Variants in SV2C observed in about 807,000 individuals in gnomAD.
SV2C encodes the protein solute carrier family 22 member B3.
SV2C carries 49 observed loss-of-function variants against 79.7 expected under a neutral mutation model. The ratio of observed to expected loss-of-function variants is 0.61; its 90% confidence interval spans 0.49 to 0.78. The LOEUF (loss-of-function observed/expected upper bound fraction) is 0.78, where lower values mean the gene tolerates loss of function less well. SV2C is among the 30% of genes least tolerant of loss of function. The pLI, the probability that SV2C is intolerant of heterozygous loss-of-function variation, is 0.00. For synonymous variants in SV2C, 334 were observed against 333.2 expected, an observed-to-expected ratio of 1.00 and a Z score of -0.03; for missense variants, 833 against 912.9, an observed-to-expected ratio of 0.91 and a Z score of 1.13.
intron 4 of SV2C, among the ~76,000 whole-genome samples, chr5:76,278,434 G>A (rs1747087372): frequency 2.6e-5 from 4 of 152,198 alleles, no homozygotes; most frequent in Admixed American, 2.0e-4. Flanking sequence ...TGGAAGGTAC[G>A]AAGCCTGCAG....
intron 1 of SV2C, among the ~76,000 whole-genome samples, chr5:76,092,311 A>G (rs993273873): frequency 1.3e-5 from 2 of 152,222 alleles, no homozygotes; most frequent in African/African-American, 4.8e-5. Context: ...TACACCTGCA[A>G]TGCTGTTTTT....
intron 1 of SV2C, among the ~76,000 whole-genome samples, chr5:76,116,857 G>A (rs1328859969): frequency 1.3e-5 from 2 of 152,142 alleles, no homozygotes; most frequent in Non-Finnish European, 2.9e-5. Context: ...ACTACTTAGG[G>A]ACAGGAATCC....
At chr5:76,073,458 CATCA>C in the SV2C span, among the ~76,000 whole-genome samples, 1 of 143,750 alleles carries the variant, frequency 7.0e-6, no homozygotes, top group Non-Finnish European at 1.5e-5. Context: ...CCCAAATGCC[CATCA>C]ATCAATGAGT....
intron 2 of SV2C, among the ~76,000 whole-genome samples, chr5:76,134,157 A>G (rs7706479): frequency 0.22 from 34,168 of 151,972 alleles, 6,349 homozygotes; most frequent in African/African-American, 0.51. Flanking sequence ...AGTGTAGATA[A>G]TGCTGCAGAA....
chr5:76,075,378 GA>G, the SV2C span, among the ~76,000 whole-genome samples: 2 of 152,178 alleles, frequency 1.3e-5, no homozygotes, highest in Non-Finnish European at 2.9e-5. Flanking sequence ...GAAAGGGAGA[GA>G]GGAATTATCA....
At chr5:76,165,379 T>C (rs942946401) in intron 2 of SV2C, among the ~76,000 whole-genome samples, 6 of 152,202 alleles carry the variant, frequency 3.9e-5, no homozygotes, top group African/African-American at 2.4e-5. Flanking sequence ...TGTGGAGGAA[T>C]GGTATAGTTC....
chr5:76,022,661 C>T, the SV2C span, among the ~76,000 whole-genome samples: 67 of 152,216 alleles, frequency 4.4e-4, no homozygotes, highest in South Asian at 4.2e-4. Context: ...TGTCTGCACC[C>T]GAAAATTCCC....
chr5:76,174,326 G>T (rs1743454766), intron 2 of SV2C: 3 of 745,558 alleles, frequency 4.0e-6, no homozygotes, highest in South Asian at 3.4e-5. Flanking sequence ...GCTCCGGCTG[G>T]TTTACACGCC....
chr5:76,298,814 A>C lies in SV2C; in HGVS notation c.1523A>C (p.Lys508Thr). The C allele has an allele frequency of 6.2e-7, 1 of 1,613,924 alleles. No individual in the cohort carries two copies. Among genetic ancestry groups the C allele is most frequent in the Non-Finnish European group, 8.5e-7 (1 of 1,179,830 alleles). Residue 508 changes from lysine (K) to threonine (T), a missense_variant, in exon 10 of 13, where the codon AAA becomes ACA. Transcript: ENST00000502798. ...GGCAGATTCATAGGGGTCAAGTTCA[A>C]ATCTGTAACTTTCAAAGACTCTGTT... ...DNGRFIGVKF[K>T]SVTFKDSVFK...
At chr5:76,319,625 T>TTTGA (rs1416220802) in intron 12 of SV2C, among the ~76,000 whole-genome samples, 2 of 152,090 alleles carry the variant, frequency 1.3e-5, no homozygotes, top group African/African-American at 4.8e-5. Flanking sequence ...TTAAGAAGGA[T>TTTGA]TTGATCGTCT....
the SV2C span, among the ~76,000 whole-genome samples, chr5:75,933,976 A>C: frequency 2.0e-5 from 3 of 152,224 alleles, no homozygotes; most frequent in Non-Finnish European, 4.4e-5. Context: ...AAATTTAGAC[A>C]CTATTACTTA....
At chr5:76,274,574 A>G (rs898245942) in intron 4 of SV2C, among the ~76,000 whole-genome samples, 5 of 152,088 alleles carry the variant, frequency 3.3e-5, no homozygotes, top group Admixed American at 1.3e-4. Flanking sequence ...TTCTTTCCCA[A>G]TAGTTATATG....
chr5:75,899,821 T>C, the SV2C span, among the ~76,000 whole-genome samples: 1 of 152,136 alleles, frequency 6.6e-6, no homozygotes, highest in African/African-American at 2.4e-5. Context: ...CAGTATGTAA[T>C]GGCCTTCTTT....
rs918271615 is a variant in SV2C at position 76,327,305 on chromosome 5, CTGTGATCAGGGCTAGAACATCA to C, written c.*1759_*1780del. 1.6e-4 allele frequency: 24 copies of C among 152,174 alleles called. No homozygotes were observed. Among genetic ancestry groups the C allele is most frequent in the African/African-American group, 5.1e-4 (21 of 41,424 alleles). 9.4% of individuals were successfully genotyped at this position (152,174 alleles called of 1,614,324 possible). A position where few individuals can be genotyped will look rare whatever the true frequency, so the allele number is the denominator to read the frequency against. On this transcript the variant is annotated 3_prime_UTR_variant, in exon 13 of 13. Coordinates refer to ENST00000502798, the MANE Select transcript of SV2C (RefSeq NM_014979.4). The stretch of plus-strand genomic sequence containing the variant: ...GGGAAGAGGGTGGTTCCCTGGGGGT[CTGTGATCAGGGCTAGAACATCA>C]GGAAAACCCGAACCAAAAACTGCAA...
intron 8 of SV2C, among the ~76,000 whole-genome samples, chr5:76,295,503 C>T (rs889969325): frequency 2.0e-5 from 3 of 152,174 alleles, no homozygotes; most frequent in East Asian, 3.8e-4. Flanking sequence ...GGCATAGGAT[C>T]GGATGCTTTC....
At chr5:76,310,185 G>A (rs1238266187) in intron 12 of SV2C, among the ~76,000 whole-genome samples, 2 of 152,224 alleles carry the variant, frequency 1.3e-5, no homozygotes, top group African/African-American at 4.8e-5. Context: ...GAGGAAGACA[G>A]TCCAACAAAC....
the SV2C span, among the ~76,000 whole-genome samples, chr5:75,979,737 G>A: frequency 1.2e-4 from 18 of 151,992 alleles, no homozygotes; most frequent in Admixed American, 1.2e-3. Context: ...AGTGATAAGA[G>A]GGAAATTTAT....
chr5:76,204,486 G>A (rs1272814011), intron 3 of SV2C, among the ~76,000 whole-genome samples: 2 of 152,162 alleles, frequency 1.3e-5, no homozygotes, highest in Non-Finnish European at 2.9e-5. Context: ...CTTGCAGAAT[G>A]TCCCATCTTC....
intron 4 of SV2C, among the ~76,000 whole-genome samples, chr5:76,259,995 G>T (rs1378521943): frequency 2.0e-5 from 3 of 152,080 alleles, no homozygotes; most frequent in Admixed American, 2.0e-4. Flanking sequence ...TGGTATTTCT[G>T]GTTCTAGATT....
Sources: gnomAD v4.1 joint callset for allele counts (sites outside exome capture counted in the v4.1 genomes callset) on GRCh38, gnomAD v4.1.1 for gene constraint, MANE v1.5 for transcripts, NCBI Gene and HGNC (gene_info 2026-07-23, HGNC 2026-07-21) for gene names.